The following MAN1A1 variants were observed in gnomAD, a reference collection of about 807,000 sequenced individuals.
MAN1A1 encodes the protein mannosyl-oligosaccharide 1,2-alpha-mannosidase IA.
In MAN1A1, 29 loss-of-function variants were observed where a neutral mutation model predicts 70.8. The observed-to-expected ratio is 0.41, with a 90% CI of 0.31 to 0.56. The LOEUF (loss-of-function observed/expected upper bound fraction) is 0.56. MAN1A1 is among the 20% of genes least tolerant of loss of function. The probability of loss-of-function intolerance (pLI) is 0.29; values close to 1 mark genes in which losing one functional copy is unlikely to be tolerated. For synonymous variants in MAN1A1, 349 were observed against 330.1 expected, an observed-to-expected ratio of 1.06 and a Z score of -0.62; for missense variants, 747 against 841.3, an observed-to-expected ratio of 0.89 and a Z score of 1.39.
intron 4 of MAN1A1, among the ~76,000 whole-genome samples, chr6:119,298,934 A>T (rs573399967): frequency 2.6e-5 from 4 of 151,924 alleles, no homozygotes; most frequent in African/African-American, 9.7e-5. Flanking sequence ...CAATTAGAAT[A>T]CCTTATCAGG....
chr6:119,235,620 G>T (rs552918701), intron 6 of MAN1A1, among the ~76,000 whole-genome samples: 12 of 152,284 alleles, frequency 7.9e-5, no homozygotes, highest in Admixed American at 3.9e-4. Flanking sequence ...AGAAGACTTG[G>T]CTAAGACTAC....
rs6922881 is a variant in MAN1A1, at chr6:119,325,666, A to G, written c.604-18674T>C. Among the ~76,000 whole-genome samples the G allele has an allele frequency of 5.9e-3, 894 of 152,130 alleles. 28 individuals carry two copies. In the East Asian group the frequency reaches 0.09, roughly 15 times the overall value. The stretch of plus-strand genomic sequence containing the variant: ...ATACTCCGTCGCCGGGGGCAGGGGG[A>G]TGTGGATTTTCAGTAGTCTTACAAC... On this transcript the variant is annotated intron_variant, in intron 2 of 12. Transcript: ENST00000368468.
rs2114920224 is a variant in MAN1A1 at position 119,179,299 on chromosome 6, A to G, written c.*520T>C. 1 of 152,824 alleles carries G rather than the reference A, an allele frequency of 6.5e-6. No individual in the cohort carries two copies. The highest frequency in any genetic ancestry group is 1.9e-4 in the East Asian group (1 of 5,192). 9.5% of individuals were successfully genotyped at this position (152,824 alleles called of 1,614,324 possible). A position where few individuals can be genotyped will look rare whatever the true frequency, so the allele number is the denominator to read the frequency against. ...TATTTTAGAAGACATTCTATCAAATAATGATAGACCTGCATAAGGAGGCTG... is the reference window on the plus strand; with the variant it reads ...TATTTTAGAAGACATTCTATCAAATGATGATAGACCTGCATAAGGAGGCTG... On this transcript the variant is annotated 3_prime_UTR_variant, in exon 13 of 13. Transcript: ENST00000368468.
In MAN1A1 at chr6:119,328,444, T is replaced by A. The variant is rs1307814545; in HGVS notation, c.603+20019A>T. 2.0e-5 allele frequency among the ~76,000 whole-genome samples: 3 copies of A among 152,236 alleles called. No individual in the cohort carries two copies. In the East Asian group the frequency reaches 5.8e-4, roughly 29 times the overall value. ...TATCTTCACAGGGTTGGACTGTTAA[T>A]AAGTGGCAAAGCCACAAGCTCTCTC... On this transcript the variant is annotated intron_variant, in intron 2 of 12. Transcript: ENST00000368468.
Position 119,349,004 on chromosome 6 carries a change from C to A in MAN1A1, c.62G>T (p.Gly21Val). The change falls in exon 2 of 13, where the codon GGG becomes GTG. Residue 21 changes from glycine to valine, a missense_variant. Gly to Val is a moderately radical substitution (Grantham distance 109). Coordinates refer to ENST00000368468, the MANE Select transcript of MAN1A1 (RefSeq NM_005907.4). ...SSPAGGVLGG[G>V]LGGGGGRKGS... The stretch of plus-strand genomic sequence containing the variant: ...CTTCCTGCCACCGCCGCCGCCGAGC[C>A]CCCCGCCCAGGACGCCGCCCGCGGG... 7.1e-7 allele frequency: 1 copy of A among 1,409,928 alleles called. No homozygotes were observed. The highest frequency in any genetic ancestry group is 9.3e-7 in the Non-Finnish European group (1 of 1,077,874). 87.3% of individuals were successfully genotyped at this position (1,409,928 alleles called of 1,614,324 possible).
intron 5 of MAN1A1, among the ~76,000 whole-genome samples, chr6:119,271,597 T>C (rs1775925629): frequency 6.6e-6 from 1 of 152,066 alleles, no homozygotes; most frequent in Non-Finnish European, 1.5e-5. Context: ...CCTCCTGGGT[T>C]CAAGCAATTC....
chr6:119,227,530 T>G (rs777772503), intron 6 of MAN1A1, among the ~76,000 whole-genome samples: 1 of 152,224 alleles, frequency 6.6e-6, no homozygotes, highest in African/African-American at 2.4e-5. Flanking sequence ...CCAAGCTAAG[T>G]GCAGTGGTGT....
At chr6:119,334,966 C>T (rs1295636994) in intron 2 of MAN1A1, among the ~76,000 whole-genome samples, 2 of 152,168 alleles carry the variant, frequency 1.3e-5, no homozygotes, top group Non-Finnish European at 2.9e-5. Context: ...AGTAACTGGA[C>T]ACTGATGAAT....
At chr6:119,272,088 C>T (rs757778159) in intron 5 of MAN1A1, among the ~76,000 whole-genome samples, 4 of 152,124 alleles carry the variant, frequency 2.6e-5, no homozygotes, top group African/African-American at 4.8e-5. Flanking sequence ...GCTTCAATAT[C>T]GGTGTAGTCA....
intron 2 of MAN1A1, 33 bp downstream of exon 2, chr6:119,348,430 G>T: frequency 6.6e-7 from 1 of 1,525,768 alleles, no homozygotes. Context: ...AAACACGGCC[G>T]GTCGGGAGGG....
At chr6:119,322,171 C>T (rs1773027322) in intron 2 of MAN1A1, among the ~76,000 whole-genome samples, 1 of 152,176 alleles carries the variant, frequency 6.6e-6, no homozygotes, top group Non-Finnish European at 1.5e-5. Flanking sequence ...CCACAATCAT[C>T]TTGAGCACCC....
chr6:119,305,608 T>C (rs1335943789), intron 3 of MAN1A1, among the ~76,000 whole-genome samples: 3 of 152,296 alleles, frequency 2.0e-5, no homozygotes, highest in Non-Finnish European at 2.9e-5. Flanking sequence ...TCTTTTCTTC[T>C]ACTTTTCCCA....
rs748408501 is a variant in MAN1A1, at chr6:119,290,780, T to A, written c.817-17A>T. 4.0e-6 allele frequency: 6 copies of A among 1,486,512 alleles called. No individual in the cohort carries two copies. In the Admixed American group the frequency reaches 8.5e-5, roughly 21 times the overall value. The allele number at this position is 1,486,512 out of a possible 1,614,324, so 92.1% of individuals were successfully genotyped here. A position where few individuals can be genotyped will look rare whatever the true frequency, so the allele number is the denominator to read the frequency against. On this transcript the variant is annotated splice_polypyrimidine_tract_variant and intron_variant, in intron 4 of 12. Transcript: ENST00000368468. Reference sequence around the variant, plus strand: ...TTCAGCATTCTATGGAAAAAAAAAATTCAAACATGATGATAGTACACAATT... The same window carrying A: ...TTCAGCATTCTATGGAAAAAAAAAAATCAAACATGATGATAGTACACAATT...
At chr6:119,298,419 A>G (rs898274094) in intron 4 of MAN1A1, among the ~76,000 whole-genome samples, 2 of 152,236 alleles carry the variant, frequency 1.3e-5, no homozygotes, top group African/African-American at 4.8e-5. Flanking sequence ...ATAAACCAAT[A>G]CAAAACATTT....
chr6:119,267,704 C>A, intron 5 of MAN1A1, among the ~76,000 whole-genome samples: 1 of 152,150 alleles, frequency 6.6e-6, no homozygotes, highest in East Asian at 1.9e-4. Flanking sequence ...CTCTCTCCCC[C>A]AAAGTAACCA....
chr6:119,290,641 G>T, intron 5 of MAN1A1, 42 bp downstream of exon 5: 1 of 1,408,122 alleles, frequency 7.1e-7, no homozygotes, highest in Non-Finnish European at 9.9e-7. Flanking sequence ...TGTAGTTTAA[G>T]ACACTTTATA....
intron 2 of MAN1A1, among the ~76,000 whole-genome samples, chr6:119,331,570 C>CATATATATAGAT (rs1473149807): frequency 3.7e-4 from 44 of 117,968 alleles, no homozygotes; most frequent in African/African-American, 1.3e-3. Context: ...ACATATTATG[C>CATATATATAGAT]ATATATATAT....
At chr6:119,320,417 G>T (rs1438698740) in intron 2 of MAN1A1, among the ~76,000 whole-genome samples, 2 of 152,000 alleles carry the variant, frequency 1.3e-5, no homozygotes, top group Non-Finnish European at 2.9e-5. Context: ...CTCAAAACTG[G>T]GCTATGTACT....
chr6:119,345,785 T>C (rs190210406), intron 2 of MAN1A1, among the ~76,000 whole-genome samples: 1 of 152,286 alleles, frequency 6.6e-6, no homozygotes, highest in African/African-American at 2.4e-5. Context: ...TCAGGTGTGA[T>C]AGAGAACCTA....
Sources: allele counts gnomAD v4.1 joint callset (sites outside exome capture counted in the v4.1 genomes callset), GRCh38; gene constraint gnomAD v4.1.1; transcripts MANE v1.5; gene names NCBI Gene and HGNC (gene_info 2026-07-23, HGNC 2026-07-21).